Variants in LAMA2 observed in about 807,000 individuals in gnomAD.
The protein encoded by LAMA2 is laminin subunit alpha 2.
LAMA2 carries 269 observed loss-of-function variants against 364.8 expected under a neutral mutation model. The observed-to-expected ratio is 0.74, with a 90% CI of 0.67 to 0.82. LAMA2 has a LOEUF of 0.82. Among genes scored for constraint, LAMA2 ranks in the 40% least tolerant of loss-of-function variants. The pLI is 0.00. For synonymous variants in LAMA2, 1,379 were observed against 1,370.6 expected, an observed-to-expected ratio of 1.01 and a Z score of -0.14; for missense variants, 3,807 against 3,873.2, an observed-to-expected ratio of 0.98 and a Z score of 0.45.
intron 35 of LAMA2, among the ~76,000 whole-genome samples, chr6:129,383,730 T>C (rs534953333): frequency 1.3e-5 from 2 of 152,280 alleles, no homozygotes; most frequent in Admixed American, 6.5e-5. Flanking sequence ...CACAATTCTC[T>C]AGGAGTTAGT....
chr6:129,464,409 T>G lies in LAMA2; in HGVS notation c.7112T>G (p.Phe2371Cys), dbSNP rs201274841. The change falls in exon 50 of 65, where the codon TTT becomes TGT. Residue 2371 changes from phenylalanine to cysteine, a missense_variant. By Grantham distance (205) the Phe-to-Cys change is radical. Around this residue, in one of 3 missense-constraint regions of LAMA2, gnomAD observed 3,333 missense variants for 3,345.7 expected, o/e 1.00. Transcript: ENST00000421865. ...ISTVMFKFRTFSSSALLMYLA... is the reference protein window; with the variant it reads ...ISTVMFKFRTCSSSALLMYLA... ...ACTGTCATGTTCAAGTTCAGAACATTTTCTTCGAGTGCTCTTCTGATGTAT... is the reference window on the plus strand; with the variant it reads ...ACTGTCATGTTCAAGTTCAGAACATGTTCTTCGAGTGCTCTTCTGATGTAT... 3.9e-5 allele frequency: 63 copies of G among 1,612,284 alleles called. No homozygotes were observed. The highest frequency in any genetic ancestry group is 4.9e-5 in the Non-Finnish European group (58 of 1,178,774).
intron 22 of LAMA2, among the ~76,000 whole-genome samples, chr6:129,301,515 G>T (rs911745888): frequency 1.3e-5 from 2 of 152,064 alleles, no homozygotes; most frequent in Non-Finnish European, 2.9e-5. Context: ...TAGAACTCAG[G>T]CTGATACAGC....
chr6:129,418,510 A>G (rs1164656091), intron 40 of LAMA2, among the ~76,000 whole-genome samples: 2 of 152,160 alleles, frequency 1.3e-5, no homozygotes, highest in African/African-American at 4.8e-5. Flanking sequence ...GAATAAAAAA[A>G]TTCAAAATAA....
intron 8 of LAMA2, among the ~76,000 whole-genome samples, chr6:129,157,195 T>C (rs1319195666): frequency 2.0e-5 from 3 of 152,152 alleles, no homozygotes; most frequent in Non-Finnish European, 4.4e-5. Context: ...CACCGTTTTA[T>C]GAACAGGCAA....
intron 20 of LAMA2, among the ~76,000 whole-genome samples, chr6:129,293,994 T>C (rs1789902627): frequency 6.6e-6 from 1 of 152,184 alleles, no homozygotes; most frequent in Admixed American, 6.5e-5. Context: ...TCAGAGGGTT[T>C]ATGTCTGCTT....
chr6:129,510,041 C>G (rs960226221), intron 62 of LAMA2, among the ~76,000 whole-genome samples: 5 of 151,896 alleles, frequency 3.3e-5, no homozygotes, highest in Non-Finnish European at 5.9e-5. Context: ...TTTTATTGTA[C>G]TTTCCTCTAA....
chr6:129,048,811 C>T (rs1289753632), intron 1 of LAMA2, among the ~76,000 whole-genome samples: 2 of 151,834 alleles, frequency 1.3e-5, no homozygotes, highest in African/African-American at 2.4e-5. Flanking sequence ...GACAGGGTTT[C>T]ACCATGTTGG....
chr6:128,930,974 C>T (rs1272721380), intron 1 of LAMA2, among the ~76,000 whole-genome samples: 1 of 152,060 alleles, frequency 6.6e-6, no homozygotes, highest in Non-Finnish European at 1.5e-5. Flanking sequence ...CTAAGTGCTA[C>T]CTATTCTTAA....
intron 2 of LAMA2, among the ~76,000 whole-genome samples, chr6:129,059,447 G>A (rs1164877989): frequency 6.6e-6 from 1 of 152,070 alleles, no homozygotes; most frequent in Non-Finnish European, 1.5e-5. Flanking sequence ...TTGAATGATT[G>A]ACAAGTCAAT....
chr6:129,403,610 G>T (rs1780092627), intron 39 of LAMA2, among the ~76,000 whole-genome samples: 1 of 152,136 alleles, frequency 6.6e-6, no homozygotes, highest in South Asian at 2.1e-4. Context: ...AGATATGTTG[G>T]TAGTATTTCA....
At chr6:129,084,697 C>T (rs1025295214) in intron 3 of LAMA2, among the ~76,000 whole-genome samples, 2 of 152,094 alleles carry the variant, frequency 1.3e-5, no homozygotes, top group Non-Finnish European at 2.9e-5. Context: ...TTCCTTTTCA[C>T]CATTTGCAGT....
At chr6:129,152,030 G>A (rs1778835897) in intron 7 of LAMA2, among the ~76,000 whole-genome samples, 1 of 152,126 alleles carries the variant, frequency 6.6e-6, no homozygotes, top group Non-Finnish European at 1.5e-5. Flanking sequence ...AATGTCAGCA[G>A]GTTGGGAAAG....
intron 41 of LAMA2, among the ~76,000 whole-genome samples, chr6:129,431,546 T>G (rs907759425): frequency 6.6e-6 from 1 of 152,118 alleles, no homozygotes; most frequent in Non-Finnish European, 1.5e-5. Flanking sequence ...TAATTACAGT[T>G]AACCCTTGAC....
At chr6:129,169,159 C>T (rs1397030601) in intron 9 of LAMA2, among the ~76,000 whole-genome samples, 1 of 150,656 alleles carries the variant, frequency 6.6e-6, no homozygotes, top group East Asian at 1.9e-4. Context: ...TTATTTCCTT[C>T]TCCTGCCTAA....
At chr6:129,437,980 A>C (rs141820226) in intron 41 of LAMA2, among the ~76,000 whole-genome samples, 1 of 151,954 alleles carries the variant, frequency 6.6e-6, no homozygotes, top group African/African-American at 2.4e-5. Context: ...TTATATATGT[A>C]ATATTAAATT....
At chr6:128,909,573 G>GTCTTGAC (rs1777748772) in intron 1 of LAMA2, among the ~76,000 whole-genome samples, 1 of 147,484 alleles carries the variant, frequency 6.8e-6, no homozygotes, top group Non-Finnish European at 1.5e-5. Flanking sequence ...ACACTGATGG[G>GTCTTGAC]TCTTGACTCT....
intron 1 of LAMA2, among the ~76,000 whole-genome samples, chr6:128,996,833 T>G (rs763095323): frequency 6.6e-6 from 1 of 152,180 alleles, no homozygotes; most frequent in Non-Finnish European, 1.5e-5. Flanking sequence ...ACACGTATGT[T>G]TACTGCAGCA....
chr6:129,277,846 A>G (rs538150507), intron 17 of LAMA2, among the ~76,000 whole-genome samples: 2 of 152,238 alleles, frequency 1.3e-5, no homozygotes, highest in South Asian at 2.1e-4. Flanking sequence ...CCTTTTACTT[A>G]TGTTGGTTTT....
Position 129,315,672 on chromosome 6 carries a change from TAATGTCAAGTGAGAACAAGATAA to T in LAMA2, c.3735+21_3735+43del. The T allele has an allele frequency of 6.2e-7, 1 of 1,612,900 alleles. No individual in the cohort carries two copies. The highest frequency in any genetic ancestry group is 8.5e-7 in the Non-Finnish European group (1 of 1,178,780). On this transcript the variant is annotated intron_variant, in intron 25 of 64. Coordinates refer to ENST00000421865, the MANE Select transcript of LAMA2 (RefSeq NM_000426.4). ...GGAAAGAAGGTAAGCACAAGAACTT[TAATGTCAAGTGAGAACAAGATAA>T]AATCTTTTTAGAATCACACCATTTG...
Sources: gnomAD v4.1 joint callset for allele counts (sites outside exome capture counted in the v4.1 genomes callset) on GRCh38, gnomAD v4.1.1 for gene constraint, gnomAD v4.1.1 regional missense constraint, MANE v1.5 for transcripts, NCBI Gene and HGNC (gene_info 2026-07-23, HGNC 2026-07-21) for gene names.